Variants in F13A1 observed in about 807,000 individuals in gnomAD.
F13A1 encodes coagulation factor XIII A chain.
A neutral mutation model predicts 80.1 loss-of-function variants in F13A1; 47 were observed. The ratio of observed to expected loss-of-function variants is 0.59; its 90% CI spans 0.46 to 0.75. F13A1 has a LOEUF of 0.75. F13A1 is among the 30% of genes least tolerant of loss of function. The pLI is 0.00. For synonymous variants in F13A1, 349 were observed against 344.9 expected, an observed-to-expected ratio of 1.01 and a Z score of -0.13; for missense variants, 817 against 930.4, an observed-to-expected ratio of 0.88 and a Z score of 1.59.
At chr6:6,151,490 T>C (rs574244850) in intron 14 of F13A1, among the ~76,000 whole-genome samples, 4 of 152,252 alleles carry the variant, frequency 2.6e-5, no homozygotes, top group African/African-American at 9.6e-5. Context: ...CCAGCCTGAG[T>C]CTGAATCTTG....
At chr6:6,172,414 T>C (rs1760792048) in intron 12 of F13A1, among the ~76,000 whole-genome samples, 1 of 151,640 alleles carries the variant, frequency 6.6e-6, no homozygotes, top group Non-Finnish European at 1.5e-5. Flanking sequence ...ATAGGAAAAG[T>C]GCCAAAGCTT....
intron 6 of F13A1, among the ~76,000 whole-genome samples, chr6:6,241,816 G>A (rs2113089176): frequency 6.6e-6 from 1 of 152,222 alleles, no homozygotes; most frequent in East Asian, 1.9e-4. Flanking sequence ...CAGTTCATTT[G>A]GGATGACTCA....
chr6:6,291,245 T>C (rs1758220942), intron 3 of F13A1, among the ~76,000 whole-genome samples: 2 of 151,842 alleles, frequency 1.3e-5, no homozygotes, highest in Admixed American at 1.3e-4. Flanking sequence ...ACTCAGCCCC[T>C]CACCCGTGCC....
Position 6,145,170 on chromosome 6 carries a change from T to TCGGTG in F13A1, c.*448_*449insCACCG. 1.4e-5 allele frequency: 3 copies of TCGGTG among 220,792 alleles called. No homozygotes were observed. In the East Asian group the frequency reaches 3.6e-4, roughly 26 times the overall value. The allele number at this position is 220,792 out of a possible 1,614,324, so 13.7% of individuals were successfully genotyped here. A position where few individuals can be genotyped will look rare whatever the true frequency, so the allele number is the denominator to read the frequency against. On this transcript the variant is annotated 3_prime_UTR_variant, in exon 15 of 15. Transcript: ENST00000264870. ...ATATTCTCACATGGAGGGTAGAACC[T>TCGGTG]GACCCCGAGAAAGGGGACTGGAATT...
intron 3 of F13A1, among the ~76,000 whole-genome samples, chr6:6,267,452 C>T (rs1757860573): frequency 6.6e-6 from 1 of 152,208 alleles, no homozygotes; most frequent in Admixed American, 6.5e-5. Flanking sequence ...GTTCCAGAGG[C>T]ACCCATCTCC....
intron 10 of F13A1, among the ~76,000 whole-genome samples, chr6:6,188,112 CT>C (rs1280680908): frequency 6.6e-6 from 1 of 152,060 alleles, no homozygotes; most frequent in East Asian, 1.9e-4. Context: ...ATTCTTCTCT[CT>C]TTTTTTCTTT....
rs528289778 is a variant in F13A1, at chr6:6,244,878, C to G, written c.798+3434G>C. Among the ~76,000 whole-genome samples, 60 of 152,252 alleles carry G rather than the reference C, an allele frequency of 3.9e-4. 1 individual carries two copies. Among genetic ancestry groups the G allele is most frequent in the African/African-American group, 1.3e-3 (56 of 41,534 alleles). ...ATGCTGCCTTCACTTTCTTTTCAGTCAAGGATGAAAACCAGCAGGTTTTGA... is the reference window on the plus strand; with the variant it reads ...ATGCTGCCTTCACTTTCTTTTCAGTGAAGGATGAAAACCAGCAGGTTTTGA... On this transcript the variant is annotated intron_variant, in intron 6 of 14. Coordinates refer to ENST00000264870, the MANE Select transcript of F13A1 (RefSeq NM_000129.4).
intron 10 of F13A1, among the ~76,000 whole-genome samples, chr6:6,191,253 G>A (rs1032925290): frequency 6.6e-6 from 1 of 151,960 alleles, no homozygotes; most frequent in Non-Finnish European, 1.5e-5. Context: ...TCCTCCCTCC[G>A]AGTTACTGAA....
chr6:6,193,647 A>C (rs1761240153), intron 10 of F13A1, among the ~76,000 whole-genome samples: 1 of 152,204 alleles, frequency 6.6e-6, no homozygotes, highest in South Asian at 2.1e-4. Context: ...TGACATTCAT[A>C]ACACCCCGAT....
intron 6 of F13A1, among the ~76,000 whole-genome samples, chr6:6,235,939 A>G (rs1461298435): frequency 6.6e-6 from 1 of 152,184 alleles, no homozygotes; most frequent in Non-Finnish European, 1.5e-5. Flanking sequence ...TGATTCATCC[A>G]TACAATGAAA....
At chr6:6,319,302 A>G (rs3024471) in intron 1 of F13A1, among the ~76,000 whole-genome samples, 3,056 of 152,344 alleles carry the variant, frequency 0.02, 49 homozygotes, top group South Asian at 0.051. Context: ...AAGAAGAGCC[A>G]TAAGTAAATC....
At chr6:6,178,095 T>C (rs3116567) in intron 11 of F13A1, among the ~76,000 whole-genome samples, 111,434 of 145,798 alleles carry the variant, frequency 0.76, 43,238 homozygotes, top group Non-Finnish European at 0.84. Context: ...CTCAGGTTTA[T>C]ATTTCAGATA....
intron 10 of F13A1, among the ~76,000 whole-genome samples, chr6:6,191,071 C>T (rs549649722): frequency 0.12 from 17,949 of 149,554 alleles, 1,090 homozygotes; most frequent in Non-Finnish European, 0.18. Flanking sequence ...CAATGCCTCA[C>T]CCTGCTTTGG....
chr6:6,160,064 G>C (rs1404154265), intron 13 of F13A1, among the ~76,000 whole-genome samples: 1 of 151,830 alleles, frequency 6.6e-6, no homozygotes, highest in African/African-American at 2.4e-5. Flanking sequence ...ATCACCTGAG[G>C]TCAGGAGTTC....
intron 4 of F13A1, among the ~76,000 whole-genome samples, chr6:6,263,664 A>G (rs947529863): frequency 6.6e-6 from 1 of 152,178 alleles, no homozygotes; most frequent in African/African-American, 2.4e-5. Context: ...AGACATCACC[A>G]AATTAACATT....
chr6:6,251,709 C>G (rs1282603609), intron 4 of F13A1, among the ~76,000 whole-genome samples: 1 of 152,172 alleles, frequency 6.6e-6, no homozygotes, highest in Admixed American at 6.5e-5. Flanking sequence ...TACACGAATT[C>G]TACCTCAAGG....
At chr6:6,227,333 A>G (rs1337958699) in intron 6 of F13A1, among the ~76,000 whole-genome samples, 1 of 152,238 alleles carries the variant, frequency 6.6e-6, no homozygotes, top group Non-Finnish European at 1.5e-5. Flanking sequence ...TATGAACCAC[A>G]CAGTTAATTT....
At position 6,215,210 on chromosome 6, in the gene F13A1, G is replaced by A. The variant is rs1359517479; in HGVS notation, c.1112+6823C>T. On this transcript the variant is annotated intron_variant, in intron 8 of 14. Coordinates refer to ENST00000264870, the MANE Select transcript of F13A1 (RefSeq NM_000129.4). ...CCAGCATCATCCTGATACCAAAGCC[G>A]GGTAGAGACACAACAAAAAAAGAGA... Among the ~76,000 whole-genome samples, 3 of 132,292 alleles carry A rather than the reference G, an allele frequency of 2.3e-5. 1 individual carries two copies. Among genetic ancestry groups the A allele is most frequent in the South Asian group, 2.8e-4 (1 of 3,566 alleles). 86.8% of individuals were successfully genotyped at this position (132,292 alleles called of 152,430 possible).
chr6:6,284,711 T>C (rs1437050014), intron 3 of F13A1, among the ~76,000 whole-genome samples: 1 of 152,200 alleles, frequency 6.6e-6, no homozygotes, highest in Non-Finnish European at 1.5e-5. Context: ...CTTGTTTGCA[T>C]CAGCAGAACA....
Sources: allele counts gnomAD v4.1 joint callset (sites outside exome capture counted in the v4.1 genomes callset), GRCh38; gene constraint gnomAD v4.1.1; transcripts MANE v1.5; gene names NCBI Gene and HGNC (gene_info 2026-07-23, HGNC 2026-07-21).